The following DNHD1 variants were observed in gnomAD, a reference collection of about 807,000 sequenced individuals.
DNHD1 encodes dynein heavy chain domain-containing protein 1.
A neutral mutation model predicts 458.1 loss-of-function variants in DNHD1; 383 were observed. That is an observed-to-expected ratio of 0.84 (90% CI 0.77 to 0.91). The LOEUF (loss-of-function observed/expected upper bound fraction) is 0.91, where lower values mean the gene tolerates loss of function less well. Among genes scored for constraint, DNHD1 ranks in the 40% least tolerant of loss-of-function variants. The pLI is 0.00. For synonymous variants in DNHD1, 2,203 were observed against 2,376.9 expected (o/e 0.93, Z 2.13); for missense variants, 5,336 against 5,866.1 (o/e 0.91, Z 2.95).
At position 6,571,168 on chromosome 11, in the gene DNHD1, G is replaced by A. The variant is rs1442038225; in HGVS notation, c.13656G>A (p.Leu4552=). 101 of 1,604,078 alleles carry A rather than the reference G, an allele frequency of 6.3e-5. No individual in the cohort carries two copies. Among genetic ancestry groups the A allele is most frequent in the Non-Finnish European group, 8.1e-5 (95 of 1,175,740 alleles). ...PAGPQPPWHW[L]RQLSRRGQLL... is the part of the protein sequence containing the mutation. The stretch of plus-strand genomic sequence containing the variant: ...GTCCGCAGCCGCCCTGGCACTGGCT[G>A]CGACAGTTGTCGCGCCGTGGGCAAC... Residue 4552 remains leucine (L), a synonymous_variant, in exon 42 of 43, where the codon CTG becomes CTA. Coordinates refer to ENST00000254579, the MANE Select transcript of DNHD1 (RefSeq NM_144666.3). This position sits in a 1 kb window ranked among gnomAD's most constrained non-coding sequence, Gnocchi z 5.0.
Position 6,571,644 on chromosome 11 carries a change from TGGTCCAAATCCCAC to T in DNHD1, c.13924_13937del (p.Pro4642SerfsTer49), listed in dbSNP as rs745658097. The T allele has an allele frequency of 6.3e-7, 1 of 1,580,148 alleles. No homozygotes were observed. Among genetic ancestry groups the T allele is most frequent in the Non-Finnish European group, 8.6e-7 (1 of 1,160,188 alleles). ...GCTTCTGACGCCCCCAGGTGGAGAA[TGGTCCAAATCCCAC>T]GGTTCCAGAGAGAGGGCTGCTGCTG... On this transcript the variant is annotated frameshift_variant, in exon 43 of 43. Coordinates refer to ENST00000254579, the MANE Select transcript of DNHD1 (RefSeq NM_144666.3). LOFTEE classifies it low-confidence loss of function (END_TRUNC). This position sits in a 1 kb window ranked among gnomAD's most constrained non-coding sequence, Gnocchi z 5.0.
rs545496819 is a variant in DNHD1 at position 6,520,777 on chromosome 11, A to G, written c.1837+488A>G. On this transcript the variant is annotated intron_variant, in intron 10 of 42. Transcript: ENST00000254579. Reference sequence around the variant, plus strand: ...TTATTGGTTATCAGTCTTCACACTTATTAACCATCAGCGTGGAAACACATC... The same window carrying G: ...TTATTGGTTATCAGTCTTCACACTTGTTAACCATCAGCGTGGAAACACATC... The G allele has an allele frequency of 7.1e-5, 71 of 995,374 alleles. 1 individual carries two copies. The South Asian group carries it at 2.6e-3, about 37-fold the overall frequency. The allele number at this position is 995,374 out of a possible 1,614,324, so 61.7% of individuals were successfully genotyped here.
intron 7 of DNHD1, among the ~76,000 whole-genome samples, chr11:6,511,835 A>G (rs1852339764): frequency 6.6e-6 from 1 of 152,186 alleles, no homozygotes; most frequent in Non-Finnish European, 1.5e-5. Context: ...GGATGCAATG[A>G]TGGAGTCCTT....
chr11:6,510,293 C>T (rs961259753), intron 6 of DNHD1, among the ~76,000 whole-genome samples: 4 of 152,114 alleles, frequency 2.6e-5, no homozygotes, highest in African/African-American at 9.7e-5. Flanking sequence ...CCATGTTGGC[C>T]AGGCTGGTCT....
chr11:6,559,015 C>T lies in DNHD1; in HGVS notation c.9325C>T (p.Leu3109Phe), dbSNP rs1423160818. 1.9e-6 allele frequency: 3 copies of T among 1,551,644 alleles called. No individual in the cohort carries two copies. Among genetic ancestry groups the T allele is most frequent in the African/African-American group, 2.7e-5 (2 of 73,054 alleles). ...YHEHLCPALP[L>F]VTPKTFLDFL... is the part of the protein sequence containing the mutation. ...TGAGCACCTGTGCCCTGCATTGCCACTCGTCACCCCCAAGACCTTCCTAGA... is the reference window on the plus strand; with the variant it reads ...TGAGCACCTGTGCCCTGCATTGCCATTCGTCACCCCCAAGACCTTCCTAGA... Residue 3109 changes from leucine (L) to phenylalanine (F), a missense_variant, in exon 27 of 43, where the codon CTC (leucine) becomes TTC (phenylalanine). Physicochemically the swap from Leu to Phe is conservative, Grantham distance 22 (BLOSUM62 0). Transcript: ENST00000254579.
intron 10 of DNHD1, 103 bp downstream of exon 10, chr11:6,520,392 A>T: frequency 6.5e-7 from 1 of 1,543,536 alleles, no homozygotes. Flanking sequence ...CTATAGAGTC[A>T]GGCACTGGGT....
At chr11:6,542,389 C>T (rs1853113422) in intron 18 of DNHD1, among the ~76,000 whole-genome samples, 2 of 152,212 alleles carry the variant, frequency 1.3e-5, no homozygotes, top group Non-Finnish European at 2.9e-5. Flanking sequence ...TAATGTGGGC[C>T]TTGGGATGCC....
chr11:6,570,518 T>A, intron 41 of DNHD1, 100 bp from the exon 42 acceptor site: 21 of 1,481,576 alleles, frequency 1.4e-5, no homozygotes, highest in Non-Finnish European at 1.9e-5. Flanking sequence ...CATACTGTTA[T>A]GGGGGTGATG....
chr11:6,539,222 T>C lies in DNHD1; in HGVS notation c.3329T>C (p.Leu1110Pro). 6.5e-7 allele frequency: 1 copy of C among 1,548,356 alleles called. No individual in the cohort carries two copies. Among genetic ancestry groups the C allele is most frequent in the South Asian group, 1.2e-5 (1 of 83,968 alleles). Residue 1110 changes from leucine (L) to proline (P), a missense_variant, in exon 17 of 43, where the codon CTT (leucine) becomes CCT (proline). Around this residue, in one of 4 missense-constraint regions of DNHD1, gnomAD observed 3,932 missense variants for 4,365.6 expected, o/e 0.90. Coordinates refer to ENST00000254579, the MANE Select transcript of DNHD1 (RefSeq NM_144666.3). ...GACTTGTTTTCTCTACCTCCAGCCC[T>C]TGGGCTGGGCAGTCTCCAAACTATA... ...SLNCQCLLRA[L>P]GLGSLQTIEL...
chr11:6,520,582 T>A, intron 10 of DNHD1: 1 of 1,237,936 alleles, frequency 8.1e-7, no homozygotes, highest in Non-Finnish European at 1.0e-6. Context: ...CTGTGAGGTT[T>A]TTCTCCAGTG....
In DNHD1 at chr11:6,520,276, C is replaced by T; in HGVS notation, c.1824C>T (p.Ser608=). ...QSADLKTSSD[S]LYSEEEDEEE... is the part of the protein sequence containing the mutation. ...CAGACCTGAAGACCTCCTCGGATTCCCTGTATTCTGAAGGTATTTAGGGAG... is the reference window on the plus strand; with the variant it reads ...CAGACCTGAAGACCTCCTCGGATTCTCTGTATTCTGAAGGTATTTAGGGAG... The change falls in exon 10 of 43, where the codon TCC becomes TCT. Residue 608 remains serine, a synonymous_variant. Coordinates refer to ENST00000254579, the MANE Select transcript of DNHD1 (RefSeq NM_144666.3). The T allele has an allele frequency of 1.3e-6, 2 of 1,551,954 alleles. No homozygotes were observed. Among genetic ancestry groups the T allele is most frequent in the African/African-American group, 1.4e-5 (1 of 73,126 alleles).
At position 6,567,280 on chromosome 11, in the gene DNHD1, C is replaced by T; in HGVS notation, c.11771C>T (p.Thr3924Ile). 1 of 1,614,078 alleles carries T rather than the reference C, an allele frequency of 6.2e-7. No individual in the cohort carries two copies. The highest frequency in any genetic ancestry group is 8.5e-7 in the Non-Finnish European group (1 of 1,179,906). The change falls in exon 36 of 43, where the codon ACT becomes ATT. Residue 3924 changes from threonine to isoleucine, a missense_variant. By Grantham distance (89) the Thr-to-Ile change is moderately conservative. Coordinates refer to ENST00000254579, the MANE Select transcript of DNHD1 (RefSeq NM_144666.3). ...LTRQLLGSTVTALGLTQVPLV... is the reference protein window; with the variant it reads ...LTRQLLGSTVIALGLTQVPLV... ...CGCCAGCTGCTGGGCAGCACCGTGA[C>T]TGCACTGGGCCTTACCCAAGTACCC...
intron 14 of DNHD1, 57 bp downstream of exon 14, chr11:6,534,230 G>GT: frequency 6.7e-7 from 1 of 1,502,698 alleles, no homozygotes; most frequent in South Asian, 1.3e-5. Flanking sequence ...TTCAACTGAA[G>GT]TAAGAGTTGG....
At chr11:6,525,198 T>G (rs972019275) in intron 10 of DNHD1, among the ~76,000 whole-genome samples, 2 of 152,214 alleles carry the variant, frequency 1.3e-5, no homozygotes, top group Non-Finnish European at 2.9e-5. Flanking sequence ...TGTGTCTGAC[T>G]CTCACTTTTT....
chr11:6,533,804 T>C lies in DNHD1; in HGVS notation c.2629T>C (p.Ser877Pro). ...TGCTGAGAATGAAGCACTGGACATC[T>C]CGGTGAGAAGGCAATTCGGGGAGTC... ...FSAENEALDI[S>P]VRRQFGESPI... Residue 877 changes from serine (S) to proline (P), a missense_variant, in exon 14 of 43, where the codon TCG becomes CCG. Transcript: ENST00000254579. The C allele has an allele frequency of 6.4e-7, 1 of 1,551,546 alleles. No homozygotes were observed. Among genetic ancestry groups the C allele is most frequent in the Non-Finnish European group, 8.7e-7 (1 of 1,146,946 alleles).
intron 16 of DNHD1, 55 bp downstream of exon 16, chr11:6,538,865 G>A (rs1178384912): frequency 1.2e-5 from 17 of 1,414,584 alleles, no homozygotes; most frequent in South Asian, 7.7e-5. Flanking sequence ...AGGTTAGAGC[G>A]ATGCAGCAAC....
At chr11:6,500,030 C>T (rs1028716358) in intron 3 of DNHD1, among the ~76,000 whole-genome samples, 1 of 151,118 alleles carries the variant, frequency 6.6e-6, no homozygotes, top group Non-Finnish European at 1.5e-5. Context: ...AGTGGCCTGA[C>T]CTTGGCTCAC....
chr11:6,564,888 G>A, intron 32 of DNHD1, 84 bp downstream of exon 32: 1 of 1,164,648 alleles, frequency 8.6e-7, no homozygotes, highest in Middle Eastern at 2.4e-4. Context: ...CCTTCATAAT[G>A]AGGACACTGT....
intron 14 of DNHD1, among the ~76,000 whole-genome samples, chr11:6,536,695 A>G (rs1031666176): frequency 1.4e-4 from 22 of 152,218 alleles, no homozygotes; most frequent in Admixed American, 1.2e-3. Flanking sequence ...TTTAAAATGC[A>G]TGGAAATTAT....
Sources: gnomAD v4.1 joint callset for allele counts (sites outside exome capture counted in the v4.1 genomes callset) on GRCh38, gnomAD v4.1.1 for gene constraint, gnomAD v4.1.1 regional missense constraint, Gnocchi (gnomAD v3.1) non-coding constraint, MANE v1.5 for transcripts, NCBI Gene and HGNC (gene_info 2026-07-23, HGNC 2026-07-21) for gene names.